ATF3: variants seen among roughly 807,000 people sequenced by gnomAD.
The protein encoded by ATF3 is activating transcription factor 3.
A neutral mutation model predicts 18.4 loss-of-function variants in ATF3; 10 were observed. The observed-to-expected ratio is 0.54, with a 90% CI of 0.34 to 0.92. The LOEUF (loss-of-function observed/expected upper bound fraction) is 0.92. Among genes scored for constraint, ATF3 ranks in the 40% least tolerant of loss-of-function variants. ATF3 has a pLI of 0.02. For synonymous variants in ATF3, 78 were observed against 87.9 expected (o/e 0.89, Z 0.63); for missense variants, 183 against 222.3 (o/e 0.82, Z 1.12).
rs914847504 is a variant in ATF3, at chr1:212,618,334, A to G, written c.348+100A>G. The G allele has an allele frequency of 5.6e-6, 7 of 1,260,422 alleles. No individual in the cohort carries two copies. The highest frequency in any genetic ancestry group is 4.8e-4 in the Middle Eastern group (2 of 4,184). The allele number at this position is 1,260,422 out of a possible 1,614,324, so 78.1% of individuals were successfully genotyped here. A position where few individuals can be genotyped will look rare whatever the true frequency, so the allele number is the denominator to read the frequency against. On this transcript the variant is annotated intron_variant, in intron 3 of 3. Coordinates refer to ENST00000341491, the MANE Select transcript of ATF3 (RefSeq NM_001674.4). This position sits in a 1 kb window ranked among gnomAD's most constrained non-coding sequence, Gnocchi z 4.4. ...GAGTTAGAAAACCCCCTACTTGGTT[A>G]TAGTTTCCCAAGAAGGGCCTTGTAG...
At chr1:212,615,504 G>A (rs1293917575) in intron 2 of ATF3, among the ~76,000 whole-genome samples, 1 of 151,932 alleles carries the variant, frequency 6.6e-6, no homozygotes, top group Non-Finnish European at 1.5e-5. Flanking sequence ...TAGGGATGGG[G>A]TTGCTGGGTT....
In ATF3 at chr1:212,615,954, C is replaced by T. The variant is rs193241565; in HGVS notation, c.240+693C>T. Among the ~76,000 whole-genome samples, 37 of 151,430 alleles carry T rather than the reference C, an allele frequency of 2.4e-4. 2 individuals carry two copies. Among genetic ancestry groups the T allele is most frequent in the Admixed American group, 2.0e-3 (30 of 15,264 alleles). ...ACAGGGATGAGCCATTGCACCCAGC[C>T]GGGGTTGCTGTTTTAAATTAGGAAG... On this transcript the variant is annotated intron_variant, in intron 2 of 3. Coordinates refer to ENST00000341491, the MANE Select transcript of ATF3 (RefSeq NM_001674.4).
chr1:212,568,435 A>C (rs1428937331), intron 1 of ATF3, among the ~76,000 whole-genome samples: 1 of 152,176 alleles, frequency 6.6e-6, no homozygotes, highest in Non-Finnish European at 1.5e-5. Context: ...GGAGCCCCAG[A>C]GAAAGAGCAC....
chr1:212,584,603 C>A (rs541281041), intron 1 of ATF3, among the ~76,000 whole-genome samples: 1 of 152,194 alleles, frequency 6.6e-6, no homozygotes, highest in South Asian at 2.1e-4. Context: ...AGGGGGAGGA[C>A]GATCTGCTTC....
chr1:212,600,628 G>A (rs1654454693), intron 1 of ATF3, among the ~76,000 whole-genome samples: 1 of 152,178 alleles, frequency 6.6e-6, no homozygotes. Flanking sequence ...CCTAGAAAAC[G>A]GTCGGCTCAA....
intron 1 of ATF3, among the ~76,000 whole-genome samples, chr1:212,568,587 C>A (rs550445440): frequency 2.6e-5 from 4 of 152,310 alleles, no homozygotes; most frequent in African/African-American, 9.6e-5. Flanking sequence ...CCAGTCCATT[C>A]ATGGCAAATC....
chr1:212,580,378 G>A (rs1008285967), intron 1 of ATF3, among the ~76,000 whole-genome samples: 2 of 150,248 alleles, frequency 1.3e-5, no homozygotes, highest in African/African-American at 4.9e-5. Flanking sequence ...GCAGTGGCAC[G>A]ATCTCTGCTC....
intron 1 of ATF3, among the ~76,000 whole-genome samples, chr1:212,590,842 T>G (rs1214038638): frequency 6.6e-6 from 1 of 152,212 alleles, no homozygotes; most frequent in East Asian, 1.9e-4. Context: ...AGCAGGATAA[T>G]GTACTTTCAT....
intron 1 of ATF3, among the ~76,000 whole-genome samples, chr1:212,598,243 G>A (rs1053899354): frequency 4.6e-5 from 7 of 151,770 alleles, no homozygotes; most frequent in East Asian, 3.9e-4. Flanking sequence ...CTTATTCTAC[G>A]TATTTTGTTG....
chr1:212,578,787 T>C (rs3122720), intron 1 of ATF3, among the ~76,000 whole-genome samples: 127,070 of 151,982 alleles, frequency 0.84, 53,181 homozygotes, highest in Non-Finnish European at 0.85. Context: ...TCATCCCTCC[T>C]TCTTCTCCAC....
At position 212,614,950 on chromosome 1, in the gene ATF3, G is replaced by C. The variant is rs551075020; in HGVS notation, c.-4-68G>C. 69 of 1,613,418 alleles carry C rather than the reference G, an allele frequency of 4.3e-5. No homozygotes were observed. The African/African-American group carries it at 5.3e-4, about 12-fold the overall frequency. The stretch of plus-strand genomic sequence containing the variant: ...GGGGCTCTGGTGTTGGAGGTCTGGT[G>C]GGGGAGGGGGACTTGATCCCATGCC... On this transcript the variant is annotated intron_variant, in intron 1 of 3. Coordinates refer to ENST00000341491, the MANE Select transcript of ATF3 (RefSeq NM_001674.4).
chr1:212,592,389 C>T (rs987793483), intron 1 of ATF3, among the ~76,000 whole-genome samples: 2 of 151,844 alleles, frequency 1.3e-5, no homozygotes, highest in African/African-American at 2.4e-5. Flanking sequence ...CTAATATCAT[C>T]GAATTAGCTA....
In ATF3 at chr1:212,576,721, C is replaced by CTTTTTTTTTT; in HGVS notation, c.-5+11253_-5+11262dup. Among the ~76,000 whole-genome samples, 486 of 57,296 alleles carry CTTTTTTTTTT rather than the reference C, an allele frequency of 8.5e-3. 23 individuals are homozygous for CTTTTTTTTTT. Among genetic ancestry groups the CTTTTTTTTTT allele is most frequent in the Non-Finnish European group, 0.01 (352 of 34,242 alleles). 37.6% of individuals were successfully genotyped at this position (57,296 alleles called of 152,430 possible). The stretch of plus-strand genomic sequence containing the variant: ...AAAAAATATTCTTTTCTTTTCTTTT[C>CTTTTTTTTTT]TTTTTTTTTTTTTTTTTTTTTTTTG... On this transcript the variant is annotated intron_variant, in intron 1 of 3. Transcript: ENST00000366981.
chr1:212,616,755 G>A (rs1313010290), intron 2 of ATF3, among the ~76,000 whole-genome samples: 1 of 152,174 alleles, frequency 6.6e-6, no homozygotes, highest in Non-Finnish European at 1.5e-5. Flanking sequence ...CTGAGAAGTG[G>A]TTGGCTTTGG....
Position 212,594,259 on chromosome 1 carries a change from T to A in ATF3, c.-4-20759T>A, listed in dbSNP as rs117536403. 2.9e-3 allele frequency among the ~76,000 whole-genome samples: 436 copies of A among 152,338 alleles called. 7 individuals are homozygous for A. In the East Asian group the frequency reaches 0.05, roughly 17 times the overall value. On this transcript the variant is annotated intron_variant, in intron 1 of 3. Transcript: ENST00000366981. Reference sequence around the variant, plus strand: ...TAAGACACATTCCAGGTAGTCTACATGCTTCATGAATTTAATGGAAGACTG... The same window carrying A: ...TAAGACACATTCCAGGTAGTCTACAAGCTTCATGAATTTAATGGAAGACTG...
chr1:212,570,034 G>A (rs779242671), intron 1 of ATF3, among the ~76,000 whole-genome samples: 1 of 152,086 alleles, frequency 6.6e-6, no homozygotes, highest in Non-Finnish European at 1.5e-5. Flanking sequence ...TGAATCTTCT[G>A]TTCAGAGCCT....
chr1:212,575,449 T>C (rs971607948), intron 1 of ATF3, among the ~76,000 whole-genome samples: 7 of 152,166 alleles, frequency 4.6e-5, no homozygotes, highest in African/African-American at 7.2e-5. Flanking sequence ...GTTCTTGACT[T>C]CTTTATGTAG....
rs565506697 is a variant in ATF3 at position 212,586,380 on chromosome 1, T to C, written c.-5+20897T>C. ...GCAAGCCAGTGGGAGGGAATACTCT[T>C]CTTAGGACATGGCACTTTCTTCCTC... On this transcript the variant is annotated intron_variant, in intron 1 of 3. Coordinates refer to the ATF3 transcript ENST00000366981. 2.6e-5 allele frequency among the ~76,000 whole-genome samples: 4 copies of C among 152,266 alleles called. 1 individual carries two copies. The highest frequency in any genetic ancestry group is 9.6e-5 in the African/African-American group (4 of 41,536).
chr1:212,604,414 G>T (rs1654567087), upstream of ATF3, among the ~76,000 whole-genome samples: 1 of 152,170 alleles, frequency 6.6e-6, no homozygotes, highest in Admixed American at 6.5e-5. Context: ...GGTTGTTGAT[G>T]ATGGGCTACA....
Sources: gnomAD v4.1 joint callset for allele counts (sites outside exome capture counted in the v4.1 genomes callset) on GRCh38, gnomAD v4.1.1 for gene constraint, Gnocchi (gnomAD v3.1) non-coding constraint, MANE v1.5 for transcripts, NCBI Gene and HGNC (gene_info 2026-07-23, HGNC 2026-07-21) for gene names.